The following RADIL variants were observed in gnomAD, a reference collection of about 807,000 sequenced individuals.
RADIL encodes the protein ras-associating and dilute domain-containing protein.
In RADIL, 99 loss-of-function variants were observed where a neutral mutation model predicts 97.6. The ratio of observed to expected loss-of-function variants is 1.01; its 90% CI spans 0.86 to 1.20. RADIL has a LOEUF of 1.20. Among genes scored for constraint, RADIL ranks in the 50% most tolerant of loss-of-function variants. The pLI, the probability that RADIL is intolerant of heterozygous loss-of-function variation, is 0.00. For missense variants in RADIL, 1,765 were observed against 1,498.9 expected (o/e 1.18, Z -2.93); for synonymous variants, 803 against 691.8 (o/e 1.16, Z -2.52).
rs925154830 is a variant in RADIL at position 4,878,130 on chromosome 7, C to T, written c.10G>A (p.Gly4Arg). 1 of 1,554,340 alleles carries T rather than the reference C, an allele frequency of 6.4e-7. No homozygotes were observed. The highest frequency in any genetic ancestry group is 1.4e-5 in the African/African-American group (1 of 73,668). Residue 4 changes from glycine to arginine, a missense_variant, in exon 2 of 15, where the codon GGG becomes AGG. By Grantham distance (125) the Gly-to-Arg change is moderately radical. Transcript: ENST00000399583. This position sits in a 1 kb window ranked among gnomAD's most constrained non-coding sequence, Gnocchi z 4.1. Reference sequence around the variant, plus strand: ...GGCGGGGACATGATGAAGTGCGTCCCATAAAACATGGTGGGTGAGGCTTCA... The same window carrying T: ...GGCGGGGACATGATGAAGTGCGTCCTATAAAACATGGTGGGTGAGGCTTCA... MFY[G>R]THFIMSPPTK...
At position 4,803,588 on chromosome 7, in the gene RADIL, A is replaced by T; in HGVS notation, c.2457T>A (p.Pro819=). 3 of 1,547,548 alleles carry T rather than the reference A, an allele frequency of 1.9e-6. No individual in the cohort carries two copies. Among genetic ancestry groups the T allele is most frequent in the Non-Finnish European group, 2.6e-6 (3 of 1,146,004 alleles). The change falls in exon 11 of 15, where the codon CCT becomes CCA. Residue 819 remains proline (P), a synonymous_variant. Coordinates refer to ENST00000399583, the MANE Select transcript of RADIL (RefSeq NM_018059.5). ...GGGAGGCCCCACTGCCAGGCCTGCCAGGGCTGCCGGGGCTGGCTCTGCTCC... is the reference window on the plus strand; with the variant it reads ...GGGAGGCCCCACTGCCAGGCCTGCCTGGGCTGCCGGGGCTGGCTCTGCTCC... The part of the protein sequence containing the change: ...GLRSRASPGS[P]GRPGSGASQP...
At chr7:4,838,040 C>T (rs1476696117) in intron 2 of RADIL, 1 of 985,444 alleles carries the variant, frequency 1.0e-6, no homozygotes, top group Non-Finnish European at 1.2e-6. Context: ...CCCAAGGCAG[C>T]CGGCAGCCTG....
rs756693411 is a variant in RADIL, at chr7:4,822,386, A to G, written c.1615+8T>C. On this transcript the variant is annotated splice_region_variant and intron_variant, in intron 6 of 14. Coordinates refer to ENST00000399583, the MANE Select transcript of RADIL (RefSeq NM_018059.5). The surrounding 1 kb of genome is among the most constrained non-coding windows in gnomAD (Gnocchi z 5.3). The stretch of plus-strand genomic sequence containing the variant: ...GGCGGGGGGAATGGAGGGCAGCGCC[A>G]GCCGTACCTGTGATGTCCAGCTGCT... The G allele has an allele frequency of 1.9e-6, 3 of 1,606,030 alleles. No individual in the cohort carries two copies. In the East Asian group the frequency reaches 6.7e-5, roughly 36 times the overall value.
intron 2 of RADIL, among the ~76,000 whole-genome samples, chr7:4,868,966 A>G (rs75750794): frequency 0.015 from 2,344 of 152,264 alleles, 62 homozygotes; most frequent in African/African-American, 0.054. Flanking sequence ...GTCTTTACTA[A>G]AAATACAAAA....
chr7:4,851,194 T>A, intron 2 of RADIL, among the ~76,000 whole-genome samples: 1 of 120,116 alleles, frequency 8.3e-6, no homozygotes, highest in African/African-American at 3.4e-5. Flanking sequence ...CAAAACTCCG[T>A]CTCAAAAAAA....
At chr7:4,876,152 C>G (rs979866024) in intron 2 of RADIL, among the ~76,000 whole-genome samples, 1 of 151,742 alleles carries the variant, frequency 6.6e-6, no homozygotes, top group Non-Finnish European at 1.5e-5. Flanking sequence ...CCATGCCTGG[C>G]TAATTTTTTT....
chr7:4,808,986 T>A (rs1224924661), intron 9 of RADIL: 3 of 622,740 alleles, frequency 4.8e-6, no homozygotes, highest in African/African-American at 8.7e-5. Context: ...CCAACGCCAC[T>A]GCCCCCCCGC....
chr7:4,873,000 C>T lies in RADIL; in HGVS notation c.535+4605G>A, dbSNP rs1263695697. Among the ~76,000 whole-genome samples the T allele has an allele frequency of 2.6e-5, 4 of 152,290 alleles. No individual in the cohort carries two copies. Among genetic ancestry groups the T allele is most frequent in the African/African-American group, 7.2e-5 (3 of 41,556 alleles). On this transcript the variant is annotated intron_variant, in intron 2 of 14. Coordinates refer to ENST00000399583, the MANE Select transcript of RADIL (RefSeq NM_018059.5). This position sits in a 1 kb window ranked among gnomAD's most constrained non-coding sequence, Gnocchi z 5.8. Reference sequence around the variant, plus strand: ...TCACCCAGGCTGGAGTGCAGTGGTGCGATCTCAGCTCACTGCAACCTCCGC... The same window carrying T: ...TCACCCAGGCTGGAGTGCAGTGGTGTGATCTCAGCTCACTGCAACCTCCGC...
chr7:4,832,140 C>G lies in RADIL; in HGVS notation c.1454+1G>C. 6.2e-7 allele frequency: 1 copy of G among 1,609,480 alleles called. No individual in the cohort carries two copies. Among genetic ancestry groups the G allele is most frequent in the East Asian group, 2.2e-5 (1 of 44,866 alleles). On this transcript the variant is annotated splice_donor_variant, in intron 5 of 14. Coordinates refer to ENST00000399583, the MANE Select transcript of RADIL (RefSeq NM_018059.5). LOFTEE classifies it high-confidence loss of function. ...GGGCACAATAACCGGGTCATACTCACAGTTGCGCCTGCTTCTCTGCTAGTT... is the reference window on the plus strand; with the variant it reads ...GGGCACAATAACCGGGTCATACTCAGAGTTGCGCCTGCTTCTCTGCTAGTT...
intron 2 of RADIL, chr7:4,861,977 T>TCCCCTCAGCCCCAACATGGCGCCAGA (rs1784021196): frequency 2.2e-6 from 1 of 455,052 alleles, no homozygotes; most frequent in African/African-American, 2.1e-5. Context: ...TTCTCCTCCT[T>TCCCCTCAGCCCCAACATGGCGCCAGA]CCCCTCAGCC....
At chr7:4,852,405 G>A (rs1355743614) in intron 2 of RADIL, among the ~76,000 whole-genome samples, 1 of 152,082 alleles carries the variant, frequency 6.6e-6, no homozygotes, top group African/African-American at 2.4e-5. Context: ...AAATGCTTTG[G>A]GCCAGGCCAG....
chr7:4,833,236 C>T (rs1313601793), intron 4 of RADIL, among the ~76,000 whole-genome samples: 1 of 152,320 alleles, frequency 6.6e-6, no homozygotes, highest in East Asian at 1.9e-4. Flanking sequence ...GCATCTACAT[C>T]GTCAGGGTGG....
In RADIL at chr7:4,836,398, G is replaced by T; in HGVS notation, c.743C>A (p.Ser248Tyr). 5.1e-6 allele frequency: 8 copies of T among 1,578,024 alleles called. No homozygotes were observed. Among genetic ancestry groups the T allele is most frequent in the Non-Finnish European group, 6.9e-6 (8 of 1,161,954 alleles). Reference protein sequence around the residue: ...PDAMRYSLYQSPHLLLLQGYS... With the variant: ...PDAMRYSLYQYPHLLLLQGYS... The stretch of plus-strand genomic sequence containing the variant: ...GCCCTGCAGAAGGAGCAGATGCGGG[G>T]ACTGGTACAGCGAGTACCGCATGGC... Residue 248 changes from serine (S) to tyrosine (Y), a missense_variant, in exon 3 of 15, where the codon TCC becomes TAC. Transcript: ENST00000399583.
At position 4,822,593 on chromosome 7, in the gene RADIL, G is replaced by A. The variant is rs765812309; in HGVS notation, c.1455-39C>T. On this transcript the variant is annotated intron_variant, in intron 5 of 14. Coordinates refer to ENST00000399583, the MANE Select transcript of RADIL (RefSeq NM_018059.5). This position sits in a 1 kb window ranked among gnomAD's most constrained non-coding sequence, Gnocchi z 5.3. ...AAGACTAAGAGTTACGCGGGGACCC[G>A]ACCCTCAGGAGGCTGAATCTACCAC... 1.8e-5 allele frequency: 29 copies of A among 1,594,524 alleles called. No homozygotes were observed. Among genetic ancestry groups the A allele is most frequent in the African/African-American group, 1.2e-4 (9 of 74,338 alleles).
At position 4,815,776 on chromosome 7, in the gene RADIL, G is replaced by A. The variant is rs771675875; in HGVS notation, c.1967-326C>T. ...CCTGCCCCCACCTGGGTCTCCCCAC[G>A]CCCCACAGTGGCCCTGGCTGGGAGT... On this transcript the variant is annotated intron_variant, in intron 8 of 14. Transcript: ENST00000399583. This position sits in a 1 kb window ranked among gnomAD's most constrained non-coding sequence, Gnocchi z 8.0. 2.6e-5 allele frequency among the ~76,000 whole-genome samples: 4 copies of A among 152,032 alleles called. No individual in the cohort carries two copies. The highest frequency in any genetic ancestry group is 7.2e-5 in the African/African-American group (3 of 41,394).
Position 4,849,758 on chromosome 7 carries a change from T to A in RADIL, c.536-13153A>T, listed in dbSNP as rs1783663285. ...CATTTGAAAAGACTTAGAATCTTAA[T>A]TCATTTCACTCCTGCATACCTTTCT... On this transcript the variant is annotated intron_variant, in intron 2 of 14. Coordinates refer to ENST00000399583, the MANE Select transcript of RADIL (RefSeq NM_018059.5). This position sits in a 1 kb window ranked among gnomAD's most constrained non-coding sequence, Gnocchi z 5.4. 6.6e-6 allele frequency among the ~76,000 whole-genome samples: 1 copy of A among 152,132 alleles called. No individual in the cohort carries two copies. Among genetic ancestry groups the A allele is most frequent in the Non-Finnish European group, 1.5e-5 (1 of 68,030 alleles).
rs774406769 is a variant in RADIL at position 4,835,739 on chromosome 7, C to A, written c.784-500G>T. ...GTAAAGTGCTCATGGAAATGAGCAG[C>A]AAAGGAGCTGGCTGCACAGGAGGGC... is the stretch of plus-strand genomic sequence containing the variant. On this transcript the variant is annotated intron_variant, in intron 3 of 14. Transcript: ENST00000399583. The surrounding 1 kb of genome is among the most constrained non-coding windows in gnomAD (Gnocchi z 5.8). 6.7e-6 allele frequency among the ~76,000 whole-genome samples: 1 copy of A among 149,320 alleles called. No homozygotes were observed. The highest frequency in any genetic ancestry group is 1.5e-5 in the Non-Finnish European group (1 of 67,526).
Position 4,880,519 on chromosome 7 carries a change from C to T in RADIL, c.-64-2316G>A, listed in dbSNP as rs1784462703. Among the ~76,000 whole-genome samples the T allele has an allele frequency of 6.6e-6, 1 of 152,214 alleles. No homozygotes were observed. The highest frequency in any genetic ancestry group is 2.4e-5 in the African/African-American group (1 of 41,450). On this transcript the variant is annotated intron_variant, in intron 1 of 14. Coordinates refer to ENST00000399583, the MANE Select transcript of RADIL (RefSeq NM_018059.5). This position sits in a 1 kb window ranked among gnomAD's most constrained non-coding sequence, Gnocchi z 4.5. ...CCTCAAAGAGCCTCTCCAGCCGGCA[C>T]TTATTAACCATCCATGAGAGCTGCA...
At chr7:4,870,573 C>A (rs569255102) in intron 2 of RADIL, among the ~76,000 whole-genome samples, 1 of 152,284 alleles carries the variant, frequency 6.6e-6, no homozygotes, top group Non-Finnish European at 1.5e-5. Flanking sequence ...TCCCAAGTAG[C>A]TGGGATTACA....
Sources: gnomAD v4.1 joint callset for allele counts (sites outside exome capture counted in the v4.1 genomes callset) on GRCh38, gnomAD v4.1.1 for gene constraint, Gnocchi (gnomAD v3.1) non-coding constraint, MANE v1.5 for transcripts, NCBI Gene and HGNC (gene_info 2026-07-23, HGNC 2026-07-21) for gene names.